Variants in ADGRG2 observed in about 807,000 individuals in gnomAD.
ADGRG2 encodes the protein adhesion G protein-coupled receptor G2.
ADGRG2 carries 26 observed loss-of-function variants against 74.1 expected under a neutral mutation model. The ratio of observed to expected loss-of-function variants is 0.35; its 90% CI spans 0.26 to 0.49. The LOEUF is 0.49. Among genes scored for constraint, ADGRG2 ranks in the 20% least tolerant of loss-of-function variants. ADGRG2 has a pLI of 0.99. For missense variants in ADGRG2, 619 were observed against 763.1 expected (o/e 0.81, Z 2.22); for synonymous variants, 296 against 295.2 (o/e 1.00, Z -0.03).
intron 1 of ADGRG2, among the ~76,000 whole-genome samples, chrX:19,105,771 G>A (rs1241217498): frequency 9.3e-6 from 1 of 108,106 alleles, no homozygotes; most frequent in African/African-American, 3.4e-5. Flanking sequence ...GAAATACCCC[G>A]TCTCTACTAA....
At chrX:19,078,690 GA>G (rs752779384) in intron 2 of ADGRG2, among the ~76,000 whole-genome samples, 1 of 109,742 alleles carries the variant, frequency 9.1e-6, no homozygotes, top group East Asian at 2.8e-4. Context: ...TAGAAAAAGA[GA>G]AAGGCTTAAA....
intron 4 of ADGRG2, among the ~76,000 whole-genome samples, chrX:19,038,056 C>G (rs1275354780): frequency 1.8e-5 from 2 of 112,077 alleles, no homozygotes; most frequent in African/African-American, 6.5e-5. Context: ...CAAATCTTCC[C>G]ACAGTAAATT....
chrX:19,004,301 AT>A (rs1233306454), intron 23 of ADGRG2, among the ~76,000 whole-genome samples: 2 of 111,938 alleles, frequency 1.8e-5, no homozygotes, highest in Non-Finnish European at 1.9e-5. Flanking sequence ...CTGAATATCT[AT>A]TTTTTTCAGT....
chrX:19,107,927 A>C (rs1168413582), intron 1 of ADGRG2, among the ~76,000 whole-genome samples: 8 of 106,280 alleles, frequency 7.5e-5, no homozygotes, highest in Non-Finnish European at 1.2e-4. Flanking sequence ...GGTGAAACCC[A>C]GTCTCTACTA....
chrX:19,063,958 G>A (rs2061526326), intron 3 of ADGRG2, among the ~76,000 whole-genome samples: 1 of 111,860 alleles, frequency 8.9e-6, no homozygotes, highest in Admixed American at 9.5e-5. Flanking sequence ...GTATTATGGG[G>A]TACAATGCAA....
intron 18 of ADGRG2, among the ~76,000 whole-genome samples, chrX:19,009,019 G>A (rs1355701410): frequency 9.0e-6 from 1 of 111,038 alleles, no homozygotes; most frequent in Non-Finnish European, 1.9e-5. Context: ...TTATAATATC[G>A]AAATGTGATG....
chrX:19,099,279 T>C (rs1465940316), intron 1 of ADGRG2, among the ~76,000 whole-genome samples: 1 of 112,705 alleles, frequency 8.9e-6, no homozygotes, highest in East Asian at 2.8e-4. Context: ...CAGCATGGAT[T>C]GAACTGCTTT....
At chrX:19,111,683 G>A (rs930842975) in intron 1 of ADGRG2, among the ~76,000 whole-genome samples, 3 of 111,313 alleles carry the variant, frequency 2.7e-5, no homozygotes, top group African/African-American at 3.3e-5. Context: ...ACTAGAAATG[G>A]GGGTGGGGAA....
At chrX:19,111,959 C>A (rs1300715599) in intron 1 of ADGRG2, among the ~76,000 whole-genome samples, 1 of 110,622 alleles carries the variant, frequency 9.0e-6, no homozygotes, top group Non-Finnish European at 1.9e-5. Context: ...AGGAAGGGCT[C>A]TGGACCAAAT....
chrX:19,074,962 T>C (rs1408926554), intron 2 of ADGRG2, among the ~76,000 whole-genome samples: 10 of 110,977 alleles, frequency 9.0e-5, no homozygotes, highest in African/African-American at 1.3e-4. Context: ...AGGTAAGTAA[T>C]GTAAGCAATG....
chrX:19,006,290 ATAAT>A, intron 20 of ADGRG2, 25 bp from the exon 21 acceptor site: 1 of 1,022,339 alleles, frequency 9.8e-7, no homozygotes, highest in Non-Finnish European at 1.4e-6. Context: ...TAAATCACAC[ATAAT>A]TAATTTACTG....
chrX:18,997,531 T>C (rs1243947269), intron 26 of ADGRG2, among the ~76,000 whole-genome samples: 1 of 112,512 alleles, frequency 8.9e-6, no homozygotes, highest in Non-Finnish European at 1.9e-5. Flanking sequence ...AAATAAAACT[T>C]TTCTTAAGAC....
intron 3 of ADGRG2, among the ~76,000 whole-genome samples, chrX:19,051,219 C>T (rs1387825789): frequency 1.8e-5 from 2 of 111,515 alleles, no homozygotes; most frequent in African/African-American, 6.5e-5. Flanking sequence ...GGACTACAGG[C>T]ACCCACCACC....
rs1254226753 is a variant in ADGRG2, at chrX:19,013,724, G to A, written c.1061C>T (p.Ala354Val). ...AGGTGCGCTGGTAGTGTTGACATTC[G>A]CAGGGGCAGACACGGTGGGAGAGGA... is the stretch of plus-strand genomic sequence containing the variant. ...SFSSPTVSAPANVNTTSAPPV... is the reference protein window; with the variant it reads ...SFSSPTVSAPVNVNTTSAPPV... The change falls in exon 16 of 29, where the codon GCG (alanine) becomes GTG (valine). Residue 354 changes from alanine (A) to valine (V), a missense_variant. Coordinates refer to ENST00000379869, the MANE Select transcript of ADGRG2 (RefSeq NM_001079858.3). The A allele has an allele frequency of 6.7e-6, 8 of 1,198,069 alleles. No individual in the cohort carries two copies. The highest frequency in any genetic ancestry group is 1.8e-5 in the South Asian group (1 of 54,352).
intron 2 of ADGRG2, among the ~76,000 whole-genome samples, chrX:19,081,871 T>C (rs1165796813): frequency 9.2e-6 from 1 of 108,910 alleles, no homozygotes; most frequent in African/African-American, 3.3e-5. Flanking sequence ...GGCCAGGAGT[T>C]TGAGACCCGT....
At chrX:19,051,114 G>A (rs1193278625) in intron 3 of ADGRG2, among the ~76,000 whole-genome samples, 3 of 111,481 alleles carry the variant, frequency 2.7e-5, no homozygotes, top group Non-Finnish European at 3.8e-5. Context: ...TCGCTCTTTC[G>A]CCCAGGCCGG....
chrX:19,105,350 C>A (rs1424634398), intron 1 of ADGRG2, among the ~76,000 whole-genome samples: 1 of 112,338 alleles, frequency 8.9e-6, no homozygotes, highest in Non-Finnish European at 1.9e-5. Context: ...GGTAGTCATG[C>A]AGTGGAATAT....
chrX:19,010,850 A>C, intron 16 of ADGRG2, 72 bp from the exon 17 acceptor site: 2 of 765,480 alleles, frequency 2.6e-6, no homozygotes, highest in South Asian at 3.2e-5. Flanking sequence ...ACGTACATAG[A>C]CCCTGTGATA....
intron 3 of ADGRG2, among the ~76,000 whole-genome samples, chrX:19,049,306 G>A (rs2061259590): frequency 9.0e-6 from 1 of 111,452 alleles, no homozygotes; most frequent in Non-Finnish European, 1.9e-5. Context: ...GCCATCTGGC[G>A]AGTTAATATG....
Sources: allele counts gnomAD v4.1 joint callset (sites outside exome capture counted in the v4.1 genomes callset), GRCh38; gene constraint gnomAD v4.1.1; transcripts MANE v1.5; gene names NCBI Gene and HGNC (gene_info 2026-07-23, HGNC 2026-07-21).